PTPRZ1: variants seen among roughly 807,000 people sequenced by gnomAD.
PTPRZ1 encodes the protein receptor-type tyrosine-protein phosphatase zeta.
In PTPRZ1, 82 loss-of-function variants were observed where a neutral mutation model predicts 214.1. The ratio of observed to expected loss-of-function variants is 0.38; its 90% CI spans 0.32 to 0.46. The LOEUF is 0.46. PTPRZ1 is among the 20% of genes least tolerant of loss of function. The pLI is 1.00. For synonymous variants in PTPRZ1, 945 were observed against 987.9 expected (o/e 0.96, Z 0.81); for missense variants, 2,603 against 2,748.7 (o/e 0.95, Z 1.19).
At chr7:121,887,101 C>T (rs913513153) in intron 1 of PTPRZ1, among the ~76,000 whole-genome samples, 1 of 152,080 alleles carries the variant, frequency 6.6e-6, no homozygotes, top group Non-Finnish European at 1.5e-5. Flanking sequence ...GGAAGGGAAA[C>T]ATCATCTCAC....
chr7:121,915,223 A>C lies in PTPRZ1; in HGVS notation c.59-12933A>C, dbSNP rs569617181. Among the ~76,000 whole-genome samples, 8 of 152,316 alleles carry C rather than the reference A, an allele frequency of 5.3e-5. No homozygotes were observed. The East Asian group carries it at 1.4e-3, about 26-fold the overall frequency. On this transcript the variant is annotated intron_variant, in intron 1 of 29. Transcript: ENST00000393386. ...CACTCCCTGATCAGGAGGGAACAGC[A>C]CATTCTCCAGCTACTGTATTATTTG...
intron 2 of PTPRZ1, among the ~76,000 whole-genome samples, chr7:121,936,676 A>T (rs906995352): frequency 1.3e-5 from 2 of 152,068 alleles, no homozygotes; most frequent in Non-Finnish European, 2.9e-5. Context: ...CATTGGTTAT[A>T]GATTACAGAA....
chr7:121,989,869 A>G (rs1260619863), intron 8 of PTPRZ1, among the ~76,000 whole-genome samples: 2 of 152,212 alleles, frequency 1.3e-5, no homozygotes, highest in South Asian at 2.1e-4. Flanking sequence ...TACACTACCC[A>G]GAGATAACTA....
At chr7:122,044,599 A>C in intron 23 of PTPRZ1, 31 bp downstream of exon 23, 1 of 1,605,666 alleles carries the variant, frequency 6.2e-7, no homozygotes, top group South Asian at 1.1e-5. Flanking sequence ...CTTGGATGTC[A>C]CTACAGAACT....
chr7:122,011,083 T>G lies in PTPRZ1; in HGVS notation c.2037T>G (p.Thr679=). Residue 679 remains threonine (T), a synonymous_variant, in exon 12 of 30, where the codon ACT becomes ACG. Transcript: ENST00000393386. ...GRESFLQTNY[T]EIRVDESEKT... is the part of the protein sequence containing the mutation. ...AGAGCTTTCTCCAGACTAATTACACTGAGATACGTGTTGATGAATCTGAGA... is the reference window on the plus strand; with the variant it reads ...AGAGCTTTCTCCAGACTAATTACACGGAGATACGTGTTGATGAATCTGAGA... The G allele has an allele frequency of 1.2e-6, 2 of 1,614,066 alleles. No homozygotes were observed. Among genetic ancestry groups the G allele is most frequent in the Non-Finnish European group, 1.7e-6 (2 of 1,179,960 alleles).
At chr7:121,986,800 A>G (rs1334145425) in intron 8 of PTPRZ1, among the ~76,000 whole-genome samples, 1 of 152,244 alleles carries the variant, frequency 6.6e-6, no homozygotes, top group Non-Finnish European at 1.5e-5. Context: ...TAAATATGCA[A>G]TACTTAAGGA....
chr7:122,048,848 C>G (rs1792081681), intron 23 of PTPRZ1, among the ~76,000 whole-genome samples: 1 of 152,012 alleles, frequency 6.6e-6, no homozygotes, highest in Non-Finnish European at 1.5e-5. Context: ...CATAAAAAAT[C>G]CAGGTGGAAA....
intron 6 of PTPRZ1, among the ~76,000 whole-genome samples, chr7:121,978,364 G>A (rs1456001267): frequency 6.6e-6 from 1 of 152,118 alleles, no homozygotes; most frequent in Non-Finnish European, 1.5e-5. Flanking sequence ...GAGAGTAAGT[G>A]ATGTGTAAAA....
chr7:121,884,205 T>C (rs1011101751), intron 1 of PTPRZ1, among the ~76,000 whole-genome samples: 2 of 152,192 alleles, frequency 1.3e-5, no homozygotes, highest in Non-Finnish European at 2.9e-5. Context: ...TAAAGTTTCC[T>C]TTGATGGCTT....
intron 23 of PTPRZ1, among the ~76,000 whole-genome samples, chr7:122,047,945 C>A (rs975341310): frequency 6.6e-6 from 1 of 152,054 alleles, no homozygotes; most frequent in African/African-American, 2.4e-5. Flanking sequence ...TGAGCCACTG[C>A]ACCTGGCCCA....
chr7:121,911,059 CAAGTTTTACAGTTTAGCTTGCCTGT>C (rs1162217388), intron 1 of PTPRZ1, among the ~76,000 whole-genome samples: 1 of 152,104 alleles, frequency 6.6e-6, no homozygotes, highest in African/African-American at 2.4e-5. Flanking sequence ...AGTTTTCCTA[CAAGTTTTACAGTTTAGCTTGCCTGT>C]AAGTTACAAA....
intron 25 of PTPRZ1, 40 bp from the exon 26 acceptor site, chr7:122,053,870 A>G (rs187282578): frequency 3.4e-5 from 55 of 1,608,776 alleles, no homozygotes; most frequent in Admixed American, 8.4e-5. Flanking sequence ...GTTTAAAGGC[A>G]TACGCCAGTG....
At position 122,061,238 on chromosome 7, in the gene PTPRZ1, G is replaced by A. The variant is rs1245798135; in HGVS notation, c.*18G>A. ...TAGTTTAACACAGAAAGGGGTGGGG[G>A]AACTCACATCTGAGCATTGTTTTCC... On this transcript the variant is annotated 3_prime_UTR_variant, in exon 30 of 30. Transcript: ENST00000393386. 4 of 1,561,188 alleles carry A rather than the reference G, an allele frequency of 2.6e-6. No individual in the cohort carries two copies. The highest frequency in any genetic ancestry group is 1.4e-5 in the African/African-American group (1 of 73,300).
At chr7:122,014,395 T>G (rs1442227702) in intron 12 of PTPRZ1, among the ~76,000 whole-genome samples, 1 of 152,070 alleles carries the variant, frequency 6.6e-6, no homozygotes, top group African/African-American at 2.4e-5. Flanking sequence ...AATTTCCACA[T>G]TCATATCAGC....
intron 21 of PTPRZ1, 117 bp downstream of exon 21, chr7:122,041,096 AATTATATGTTCATTTTCATAAGT>A (rs1170534961): frequency 2.1e-6 from 2 of 940,410 alleles, no homozygotes; most frequent in African/African-American, 3.3e-5. Context: ...AGGGTGATGA[AATTATATGTTCATTTTCATAAGT>A]ATTGATCACT....
intron 1 of PTPRZ1, among the ~76,000 whole-genome samples, chr7:121,891,117 A>G (rs1011168057): frequency 6.6e-6 from 1 of 151,842 alleles, no homozygotes; most frequent in African/African-American, 2.4e-5. Context: ...CTCCATTTGG[A>G]ATGCCTTTCT....
rs1366354742 is a variant in PTPRZ1, at chr7:121,876,976, A to G, written c.58+3419A>G. 2.6e-5 allele frequency among the ~76,000 whole-genome samples: 4 copies of G among 152,180 alleles called. No individual in the cohort carries two copies. The South Asian group carries it at 8.3e-4, about 32-fold the overall frequency. ...AAGTGAGAGATTTGCTTGACCACCC[A>G]TTTGCTGACCGTTCAGACTGTTGCA... is the stretch of plus-strand genomic sequence containing the variant. On this transcript the variant is annotated intron_variant, in intron 1 of 29. Transcript: ENST00000393386.
intron 13 of PTPRZ1, among the ~76,000 whole-genome samples, chr7:122,019,691 A>T (rs1798959011): frequency 6.6e-6 from 1 of 152,204 alleles, no homozygotes; most frequent in African/African-American, 2.4e-5. Context: ...ACATACTGAT[A>T]AAAATGATAA....
chr7:121,947,104 A>C (rs1796403846), intron 2 of PTPRZ1, among the ~76,000 whole-genome samples: 1 of 152,158 alleles, frequency 6.6e-6, no homozygotes, highest in Admixed American at 6.5e-5. Context: ...TATTTTGAAG[A>C]GTATATTGTG....
Sources: allele counts gnomAD v4.1 joint callset (sites outside exome capture counted in the v4.1 genomes callset), GRCh38; gene constraint gnomAD v4.1.1; transcripts MANE v1.5; gene names NCBI Gene and HGNC (gene_info 2026-07-23, HGNC 2026-07-21).